ANKRD18A: variants seen among roughly 807,000 people sequenced by gnomAD.
ANKRD18A encodes the protein ankyrin repeat domain-containing protein 18A.
In ANKRD18A, 72 loss-of-function variants were observed where a neutral mutation model predicts 110.6. The observed-to-expected ratio is 0.65, with a 90% CI of 0.54 to 0.79. The LOEUF is 0.79. Ranked by LOEUF, ANKRD18A falls within the 30% of genes least tolerant of loss-of-function variation. ANKRD18A has a pLI of 0.00. For synonymous variants in ANKRD18A, 305 were observed against 410.3 expected (o/e 0.74, Z 3.10); for missense variants, 934 against 1,163.3 (o/e 0.80, Z 2.87).
intron 10 of ANKRD18A, among the ~76,000 whole-genome samples, chr9:38,593,466 T>G (rs1251839270): frequency 1.3e-5 from 2 of 152,204 alleles, no homozygotes; most frequent in African/African-American, 4.8e-5. Context: ...ATTAAGGAAA[T>G]TATCTAAAAA....
rs1438348089 is a variant in ANKRD18A at position 38,607,181 on chromosome 9, C to G, written c.808+245G>C. On this transcript the variant is annotated intron_variant, in intron 6 of 15. Coordinates refer to ENST00000399703, the MANE Select transcript of ANKRD18A (RefSeq NM_147195.4). ...AAGTGATTCTTCTGCCTCAGCCTCCCGAGTAGCTGGGATTACAGGCGCCCG... is the reference window on the plus strand; with the variant it reads ...AAGTGATTCTTCTGCCTCAGCCTCCGGAGTAGCTGGGATTACAGGCGCCCG... Among the ~76,000 whole-genome samples, 4 of 152,024 alleles carry G rather than the reference C, an allele frequency of 2.6e-5. 1 individual carries two copies. Among genetic ancestry groups the G allele is most frequent in the Admixed American group, 1.3e-4 (2 of 15,274 alleles).
chr9:38,603,135 G>A (rs1177146151), intron 7 of ANKRD18A, 24 bp downstream of exon 7: 10 of 1,526,372 alleles, frequency 6.6e-6, no homozygotes, highest in Non-Finnish European at 8.8e-6. Flanking sequence ...ACATGGTTAG[G>A]AGTAGAGAAC....
chr9:38,589,752 T>C (rs1433590582), intron 10 of ANKRD18A, among the ~76,000 whole-genome samples: 2 of 152,226 alleles, frequency 1.3e-5, no homozygotes, highest in African/African-American at 4.8e-5. Context: ...CATGCTGGTA[T>C]TGAACTCCTT....
chr9:38,567,327 T>A (rs1009614917), downstream of ANKRD18A: 10 of 152,248 alleles, frequency 6.6e-5, no homozygotes, highest in Admixed American at 6.5e-5. Flanking sequence ...TTTGCTAGTG[T>A]TATTATTCTG....
intron 8 of ANKRD18A, among the ~76,000 whole-genome samples, chr9:38,596,702 A>G (rs1824897299): frequency 6.6e-6 from 1 of 152,172 alleles, no homozygotes; most frequent in African/African-American, 2.4e-5. Context: ...CTCAAAGCAT[A>G]AAGTTGTTAA....
intron 6 of ANKRD18A, among the ~76,000 whole-genome samples, chr9:38,605,687 C>T (rs960967424): frequency 6.6e-6 from 1 of 152,054 alleles, no homozygotes; most frequent in Admixed American, 6.6e-5. Context: ...CATTCCGGCT[C>T]ACTGCAATCT....
At chr9:38,584,185 T>C (rs527859848) in intron 12 of ANKRD18A, among the ~76,000 whole-genome samples, 1 of 152,340 alleles carries the variant, frequency 6.6e-6, no homozygotes, top group African/African-American at 2.4e-5. Context: ...TGGGTCCACA[T>C]GGCTAATTTT....
At chr9:38,615,012 T>C (rs183724940) in intron 3 of ANKRD18A, among the ~76,000 whole-genome samples, 9 of 152,296 alleles carry the variant, frequency 5.9e-5, no homozygotes, top group African/African-American at 1.9e-4. Flanking sequence ...AAACCAAAAA[T>C]GATTACCCCA....
At chr9:38,594,279 C>CT (rs1824778791) in intron 9 of ANKRD18A, among the ~76,000 whole-genome samples, 1 of 152,176 alleles carries the variant, frequency 6.6e-6, no homozygotes, top group African/African-American at 2.4e-5. Context: ...CTCTACCTCC[C>CT]TCCCTGACCT....
intron 11 of ANKRD18A, 40 bp downstream of exon 11, chr9:38,588,511 T>G: frequency 8.3e-7 from 1 of 1,198,222 alleles, no homozygotes. Context: ...TTAAATCAAT[T>G]ACTAAATGGT....
chr9:38,569,449 A>G (rs1587472962), downstream of ANKRD18A: 1 of 983,808 alleles, frequency 1.0e-6, no homozygotes, highest in Middle Eastern at 5.2e-4. Flanking sequence ...CACCTAGAAA[A>G]CAATCCTTCA....
intron 5 of ANKRD18A, among the ~76,000 whole-genome samples, chr9:38,609,025 G>T (rs1456121643): frequency 6.6e-6 from 1 of 152,168 alleles, no homozygotes; most frequent in African/African-American, 2.4e-5. Context: ...TACCATGAAG[G>T]TACAGGCTAA....
At chr9:38,587,035 G>C (rs984914661) in intron 11 of ANKRD18A, among the ~76,000 whole-genome samples, 1 of 151,950 alleles carries the variant, frequency 6.6e-6, no homozygotes, top group African/African-American at 2.4e-5. Context: ...GATATCCGTT[G>C]ACCACAGTCT....
Position 38,610,384 on chromosome 9 carries a change from T to C in ANKRD18A, c.629A>G (p.His210Arg), listed in dbSNP as rs759952344. The change falls in exon 5 of 16, where the codon CAT becomes CGT. Residue 210 changes from histidine (H) to arginine (R), a missense_variant. This residue lies in a region of ANKRD18A where 630 missense variants were observed against 797.5 expected (regional missense o/e 0.79). Coordinates refer to ENST00000399703, the MANE Select transcript of ANKRD18A (RefSeq NM_147195.4). The stretch of plus-strand genomic sequence containing the variant: ...GAGGGTGACGATACTTGACAAGTTA[T>C]GCTGTACTGCAAGTATGAGGGCTGT... ...KRTALILAVQ[H>R]NLSSIVTLLL... The C allele has an allele frequency of 5.7e-5, 89 of 1,549,454 alleles. No homozygotes were observed. The highest frequency in any genetic ancestry group is 7.9e-5 in the Admixed American group (4 of 50,394).
chr9:38,607,391 A>G (rs1402721604), intron 6 of ANKRD18A, 35 bp downstream of exon 6: 2 of 1,443,360 alleles, frequency 1.4e-6, no homozygotes, highest in African/African-American at 1.5e-5. Context: ...TAAGATCACC[A>G]AGGGAAATGA....
At chr9:38,572,986 G>A in intron 15 of ANKRD18A, 2 of 680,510 alleles carry the variant, frequency 2.9e-6, no homozygotes, top group Non-Finnish European at 4.5e-6. Flanking sequence ...ACTGAATATA[G>A]TATCTACTAA....
At chr9:38,618,240 A>C (rs1825937663) in intron 1 of ANKRD18A, among the ~76,000 whole-genome samples, 1 of 152,312 alleles carries the variant, frequency 6.6e-6, no homozygotes, top group Admixed American at 6.5e-5. Flanking sequence ...CAGAAATCAA[A>C]GGTAAGAAAA....
At chr9:38,603,617 G>A (rs1027978420) in intron 6 of ANKRD18A, among the ~76,000 whole-genome samples, 1 of 151,998 alleles carries the variant, frequency 6.6e-6, no homozygotes, top group Non-Finnish European at 1.5e-5. Flanking sequence ...AGACCACATG[G>A]CCTTCAGCTG....
intron 6 of ANKRD18A, among the ~76,000 whole-genome samples, chr9:38,605,106 A>G (rs1187388710): frequency 6.6e-6 from 1 of 152,236 alleles, no homozygotes; most frequent in Non-Finnish European, 1.5e-5. Flanking sequence ...GTAATAAATA[A>G]TAACTATAAG....
Sources: allele counts gnomAD v4.1 joint callset (sites outside exome capture counted in the v4.1 genomes callset), GRCh38; gene constraint gnomAD v4.1.1; regional missense constraint gnomAD v4.1.1; transcripts MANE v1.5; gene names NCBI Gene and HGNC (gene_info 2026-07-23, HGNC 2026-07-21).